The following CDH18 variants were observed in gnomAD, a reference collection of about 807,000 sequenced individuals.
The protein encoded by CDH18 is cadherin-18.
Under a neutral mutation model 67.9 loss-of-function variants are expected in CDH18, and 31 were observed. The ratio of observed to expected loss-of-function variants is 0.46; its 90% CI spans 0.34 to 0.62. The LOEUF (loss-of-function observed/expected upper bound fraction) is 0.62. CDH18 is among the 20% of genes least tolerant of loss of function. The pLI is 0.01. For synonymous variants in CDH18, 362 were observed against 347.2 expected (o/e 1.04, Z -0.48); for missense variants, 890 against 975.5 (o/e 0.91, Z 1.17).
intron 2 of CDH18, among the ~76,000 whole-genome samples, chr5:19,852,718 T>C (rs189370312): frequency 2.4e-4 from 37 of 152,098 alleles, no homozygotes; most frequent in Admixed American, 2.6e-4. Flanking sequence ...ACTTATTGAG[T>C]TGTCCTGTTC....
At chr5:20,006,483 A>G (rs1736912497) in intron 2 of CDH18, among the ~76,000 whole-genome samples, 1 of 151,972 alleles carries the variant, frequency 6.6e-6, no homozygotes, top group Admixed American at 6.6e-5. Flanking sequence ...GAGGATATCT[A>G]CAATGTCTAC....
intron 1 of CDH18, among the ~76,000 whole-genome samples, chr5:20,516,864 A>T (rs1168053394): frequency 6.6e-6 from 1 of 151,934 alleles, no homozygotes; most frequent in Non-Finnish European, 1.5e-5. Flanking sequence ...ATTCCAAAAG[A>T]TGTTGACAAA....
intron 6 of CDH18, among the ~76,000 whole-genome samples, chr5:19,601,280 C>A (rs1367743055): frequency 1.3e-5 from 2 of 152,106 alleles, no homozygotes; most frequent in Non-Finnish European, 2.9e-5. Context: ...AGTAGAAACA[C>A]TACCCTGATT....
intron 1 of CDH18, among the ~76,000 whole-genome samples, chr5:20,398,194 G>A (rs1745443017): frequency 6.6e-6 from 1 of 151,984 alleles, no homozygotes; most frequent in Non-Finnish European, 1.5e-5. Flanking sequence ...TAAGTGTGTG[G>A]TATTTTAAAT....
intron 2 of CDH18, among the ~76,000 whole-genome samples, chr5:20,000,175 T>C (rs187392165): frequency 1.3e-5 from 2 of 152,188 alleles, no homozygotes; most frequent in African/African-American, 4.8e-5. Flanking sequence ...AATATAGGGA[T>C]GGCGTTGGCC....
At chr5:20,011,465 G>C (rs982592277) in intron 2 of CDH18, among the ~76,000 whole-genome samples, 1 of 152,030 alleles carries the variant, frequency 6.6e-6, no homozygotes, top group Non-Finnish European at 1.5e-5. Flanking sequence ...TTGCCTGATT[G>C]CTCTGGCCAG....
intron 1 of CDH18, among the ~76,000 whole-genome samples, chr5:20,453,906 C>T (rs963371104): frequency 2.0e-5 from 3 of 151,994 alleles, no homozygotes; most frequent in African/African-American, 7.2e-5. Flanking sequence ...AAGCCCTGTA[C>T]ATGAAAATAT....
chr5:19,484,155 T>C (rs1739971394), intron 11 of CDH18, among the ~76,000 whole-genome samples: 1 of 152,224 alleles, frequency 6.6e-6, no homozygotes, highest in South Asian at 2.1e-4. Context: ...AAAAATGTGT[T>C]TATTAAATGC....
At chr5:20,472,600 C>T (rs1752167593) in intron 1 of CDH18, among the ~76,000 whole-genome samples, 1 of 152,180 alleles carries the variant, frequency 6.6e-6, no homozygotes, top group South Asian at 2.1e-4. Flanking sequence ...TTAATACAAT[C>T]ATGAATTCAA....
At chr5:19,927,572 AG>A (rs1304675363) in intron 2 of CDH18, among the ~76,000 whole-genome samples, 2 of 152,188 alleles carry the variant, frequency 1.3e-5, no homozygotes, top group Admixed American at 6.6e-5. Flanking sequence ...TCTGAAATAA[AG>A]TATGAAAGCA....
At chr5:20,323,099 G>T (rs763643526) in intron 1 of CDH18, among the ~76,000 whole-genome samples, 1 of 152,032 alleles carries the variant, frequency 6.6e-6, no homozygotes, top group African/African-American at 2.4e-5. Flanking sequence ...TAATTCACAC[G>T]GTGAATGAAA....
chr5:19,823,547 C>A (rs985670217), intron 3 of CDH18, among the ~76,000 whole-genome samples: 1 of 152,168 alleles, frequency 6.6e-6, no homozygotes, highest in African/African-American at 2.4e-5. Flanking sequence ...CCTAAATATA[C>A]ATGCACTCAA....
intron 1 of CDH18, among the ~76,000 whole-genome samples, chr5:20,259,123 T>G (rs1168416036): frequency 1.3e-5 from 2 of 152,098 alleles, no homozygotes; most frequent in East Asian, 3.9e-4. Context: ...CTGGAAGGAT[T>G]TGAAGAAGCA....
intron 2 of CDH18, among the ~76,000 whole-genome samples, chr5:19,905,669 A>G (rs554103991): frequency 6.6e-6 from 1 of 151,974 alleles, no homozygotes; most frequent in Non-Finnish European, 1.5e-5. Flanking sequence ...AACCTTTAAA[A>G]TAATTGTTAG....
At chr5:20,284,825 T>C (rs1015659869) in intron 1 of CDH18, among the ~76,000 whole-genome samples, 2 of 151,864 alleles carry the variant, frequency 1.3e-5, no homozygotes, top group African/African-American at 4.8e-5. Flanking sequence ...AGAAATCAAG[T>C]TGTATTTGGG....
intron 1 of CDH18, among the ~76,000 whole-genome samples, chr5:20,364,234 C>A (rs977035429): frequency 3.3e-5 from 5 of 151,794 alleles, no homozygotes; most frequent in Non-Finnish European, 5.9e-5. Context: ...AGCTTATGTA[C>A]ATGTGTATGC....
At position 20,172,212 on chromosome 5, in the gene CDH18, A is replaced by ATATATG. The variant is rs1736821436; in HGVS notation, c.-518+83231_-518+83232insCATATA. Among the ~76,000 whole-genome samples the ATATATG allele has an allele frequency of 1.8e-4, 9 of 50,710 alleles. No individual in the cohort carries two copies. In the East Asian group the frequency reaches 4.2e-3, roughly 24 times the overall value. 33.3% of individuals were successfully genotyped at this position (50,710 alleles called of 152,430 possible). ...TGTGTATATATATATATATATATAT[A>ATATATG]TATATATATATGTATATATATATAT... On this transcript the variant is annotated intron_variant, in intron 2 of 14. Coordinates refer to the CDH18 transcript ENST00000507958.
chr5:20,546,860 T>C (rs2126607859), intron 1 of CDH18, among the ~76,000 whole-genome samples: 1 of 152,316 alleles, frequency 6.6e-6, no homozygotes, highest in South Asian at 2.1e-4. Context: ...TGTTTTAAAC[T>C]TTCTCTCTTC....
At chr5:19,889,177 G>C (rs1161392630) in intron 2 of CDH18, among the ~76,000 whole-genome samples, 1 of 151,666 alleles carries the variant, frequency 6.6e-6, no homozygotes, top group Non-Finnish European at 1.5e-5. Flanking sequence ...CCAATCATCA[G>C]GTCTTTTTGA....
Sources: gnomAD v4.1 joint callset for allele counts (sites outside exome capture counted in the v4.1 genomes callset) on GRCh38, gnomAD v4.1.1 for gene constraint, MANE v1.5 for transcripts, NCBI Gene and HGNC (gene_info 2026-07-23, HGNC 2026-07-21) for gene names.